The following ENOX1 variants were observed in gnomAD, a reference collection of about 807,000 sequenced individuals.
ENOX1 encodes the protein ecto-NOX disulfide-thiol exchanger 1, also known as candidate growth-related and time keeping constitutive hydroquinone (NADH) oxidase.
ENOX1 carries 42 observed loss-of-function variants against 82.5 expected under a neutral mutation model. That is an observed-to-expected ratio of 0.51 (90% CI 0.40 to 0.66). The LOEUF is 0.66. Among genes scored for constraint, ENOX1 ranks in the 30% least tolerant of loss-of-function variants. ENOX1 has a pLI of 0.00. For synonymous variants in ENOX1, 271 were observed against 282.2 expected (o/e 0.96, Z 0.40); for missense variants, 608 against 811.6 (o/e 0.75, Z 3.05).
chr13:43,292,795 T>A (rs1217011491), intron 12 of ENOX1, among the ~76,000 whole-genome samples: 1 of 149,444 alleles, frequency 6.7e-6, no homozygotes, highest in Non-Finnish European at 1.5e-5. Flanking sequence ...ACCATAGTCA[T>A]CATCCTCACC....
intron 3 of ENOX1, 41 bp from the exon 4 acceptor site, chr13:43,413,029 T>G: frequency 6.9e-7 from 1 of 1,449,294 alleles, no homozygotes; most frequent in South Asian, 1.5e-5. Flanking sequence ...ACCTTAATAG[T>G]TAACTGAGAT....
chr13:43,435,801 C>T (rs1234115737), intron 3 of ENOX1, among the ~76,000 whole-genome samples: 1 of 151,380 alleles, frequency 6.6e-6, no homozygotes, highest in African/African-American at 2.4e-5. Context: ...GATGTTGAAA[C>T]AAATAATATT....
At chr13:43,258,312 T>C (rs1292969030) in intron 14 of ENOX1, among the ~76,000 whole-genome samples, 2 of 152,148 alleles carry the variant, frequency 1.3e-5, no homozygotes, top group African/African-American at 2.4e-5. Flanking sequence ...GGTTGGGACA[T>C]GTGTGGATTT....
intron 7 of ENOX1, among the ~76,000 whole-genome samples, chr13:43,359,342 C>T (rs1277722632): frequency 1.3e-5 from 2 of 152,180 alleles, no homozygotes; most frequent in African/African-American, 4.8e-5. Context: ...CTGTAAAAAT[C>T]GCCTATAAAA....
chr13:43,469,113 T>C (rs1225971671), intron 3 of ENOX1, among the ~76,000 whole-genome samples: 5 of 152,172 alleles, frequency 3.3e-5, no homozygotes, highest in Non-Finnish European at 1.5e-5. Flanking sequence ...GGGTTTTCCA[T>C]AGATGTTCTT....
In ENOX1 at chr13:43,381,739, A is replaced by C. The variant is rs188590336; in HGVS notation, c.209-20287T>G. On this transcript the variant is annotated intron_variant, in intron 5 of 16. Coordinates refer to ENST00000690772, the MANE Select transcript of ENOX1 (RefSeq NM_001347969.2). ...ATAAATATCAAGGCATATTACAAAA[A>C]TTGTATGTCAATAAATTTAACAACT... 1.6e-3 allele frequency among the ~76,000 whole-genome samples: 239 copies of C among 152,084 alleles called. 2 individuals are homozygous for C. The highest frequency in any genetic ancestry group is 5.6e-3 in the African/African-American group (232 of 41,568).
At chr13:43,689,956 C>T (rs181943010) in intron 1 of ENOX1, among the ~76,000 whole-genome samples, 1 of 152,296 alleles carries the variant, frequency 6.6e-6, no homozygotes, top group African/African-American at 2.4e-5. Context: ...ACCCTGATAA[C>T]ATTTTAAGTC....
intron 12 of ENOX1, among the ~76,000 whole-genome samples, chr13:43,286,732 C>T (rs1019961121): frequency 1.3e-5 from 2 of 152,100 alleles, no homozygotes; most frequent in South Asian, 2.1e-4. Flanking sequence ...GCTTCTCTTC[C>T]CCTTCCCAGA....
At chr13:43,569,986 G>A (rs2210004) in intron 2 of ENOX1, among the ~76,000 whole-genome samples, 148,007 of 152,302 alleles carry the variant, frequency 0.97, 72,058 homozygotes, top group Non-Finnish European at 1. Context: ...GTTTAAATTA[G>A]TATCTGTGAA....
chr13:43,714,164 G>A (rs1386136068), intron 1 of ENOX1, among the ~76,000 whole-genome samples: 3 of 151,722 alleles, frequency 2.0e-5, no homozygotes, highest in Admixed American at 1.3e-4. Context: ...CCTTCATTTC[G>A]TTATATACCC....
chr13:43,615,616 G>A (rs1339123468), intron 2 of ENOX1, among the ~76,000 whole-genome samples: 1 of 151,960 alleles, frequency 6.6e-6, no homozygotes, highest in Non-Finnish European at 1.5e-5. Flanking sequence ...AATACTTTAA[G>A]TTCTGGGATA....
At chr13:43,411,827 C>A in intron 5 of ENOX1, 89 bp downstream of exon 5, 1 of 1,525,780 alleles carries the variant, frequency 6.6e-7, no homozygotes, top group Non-Finnish European at 9.0e-7. Flanking sequence ...CTGTGTCCAA[C>A]ACTCGCGGTA....
chr13:43,470,341 C>CGTATATATATATAT (rs2057976928), intron 3 of ENOX1, among the ~76,000 whole-genome samples: 1 of 8,050 alleles, frequency 1.2e-4, no homozygotes, highest in African/African-American at 2.2e-4. Flanking sequence ...TATATATATA[C>CGTATATATATATAT]GTATATATAT....
intron 2 of ENOX1, among the ~76,000 whole-genome samples, chr13:43,551,534 A>T (rs2079195098): frequency 6.6e-6 from 1 of 152,238 alleles, no homozygotes; most frequent in South Asian, 2.1e-4. Flanking sequence ...AAACATTTTT[A>T]TACACCAAAA....
chr13:43,295,745 T>G (rs1199742976), intron 12 of ENOX1, among the ~76,000 whole-genome samples: 1 of 152,174 alleles, frequency 6.6e-6, no homozygotes, highest in Non-Finnish European at 1.5e-5. Flanking sequence ...GGTTTTAAAG[T>G]CAGGCTAATT....
In ENOX1 at chr13:43,470,350, A is replaced by ATG. The variant is rs2057984239; in HGVS notation, c.-75+13658_-75+13659insCA. On this transcript the variant is annotated intron_variant, in intron 3 of 16. Coordinates refer to ENST00000690772, the MANE Select transcript of ENOX1 (RefSeq NM_001347969.2). Reference sequence around the variant, plus strand: ...TATATGTATATATATACGTATATATATATGTATATATATACGTATATATAT... The same window carrying ATG: ...TATATGTATATATATACGTATATATATGTATGTATATATATACGTATATATAT... Among the ~76,000 whole-genome samples, 6 of 40,752 alleles carry ATG rather than the reference A, an allele frequency of 1.5e-4. No individual in the cohort carries two copies. The South Asian group carries it at 4.4e-3, about 30-fold the overall frequency. The allele number at this position is 40,752 out of a possible 152,430, so 26.7% of individuals were successfully genotyped here. A position where few individuals can be genotyped will look rare whatever the true frequency, so the allele number is the denominator to read the frequency against.
At chr13:43,362,926 T>TA (rs397978428) in intron 5 of ENOX1, among the ~76,000 whole-genome samples, 30 of 150,802 alleles carry the variant, frequency 2.0e-4, no homozygotes, top group African/African-American at 6.4e-4. Flanking sequence ...GATTTTTTTT[T>TA]AAAAGAAAAG....
At chr13:43,510,806 T>C (rs2077337807) in intron 2 of ENOX1, among the ~76,000 whole-genome samples, 2 of 152,118 alleles carry the variant, frequency 1.3e-5, no homozygotes, top group Non-Finnish European at 2.9e-5. Flanking sequence ...GAGATGATAA[T>C]GATGCCTAAC....
At chr13:43,404,880 T>C (rs1173118274) in intron 5 of ENOX1, among the ~76,000 whole-genome samples, 1 of 152,236 alleles carries the variant, frequency 6.6e-6, no homozygotes, top group East Asian at 1.9e-4. Flanking sequence ...CTATTTGTTT[T>C]CTGACACTTG....
Sources: allele counts gnomAD v4.1 joint callset (sites outside exome capture counted in the v4.1 genomes callset), GRCh38; gene constraint gnomAD v4.1.1; transcripts MANE v1.5; gene names NCBI Gene and HGNC (gene_info 2026-07-23, HGNC 2026-07-21).